MAGI2: variants seen among roughly 807,000 people sequenced by gnomAD.
The protein encoded by MAGI2 is membrane-associated guanylate kinase, WW and PDZ domain-containing protein 2.
Under a neutral mutation model 133.3 loss-of-function variants are expected in MAGI2, and 35 were observed. The ratio of observed to expected loss-of-function variants is 0.26; its 90% CI spans 0.20 to 0.35. The LOEUF is 0.35. Ranked by LOEUF, MAGI2 falls within the 10% of genes least tolerant of loss-of-function variation. The probability of loss-of-function intolerance (pLI) is 1.00; values close to 1 mark genes in which losing one functional copy is unlikely to be tolerated. For synonymous variants in MAGI2, 729 were observed against 710.6 expected, an observed-to-expected ratio of 1.03 and a Z score of -0.41; for missense variants, 1,636 against 1,863.4, an observed-to-expected ratio of 0.88 and a Z score of 2.25.
chr7:79,361,819 C>T (rs1293682902), intron 1 of MAGI2, among the ~76,000 whole-genome samples: 1 of 151,916 alleles, frequency 6.6e-6, no homozygotes, highest in Non-Finnish European at 1.5e-5. Flanking sequence ...TGGAAATAAA[C>T]AATACACCTC....
At chr7:78,904,908 C>T (rs1413946484) in intron 2 of MAGI2, among the ~76,000 whole-genome samples, 1 of 151,880 alleles carries the variant, frequency 6.6e-6, no homozygotes, top group African/African-American at 2.4e-5. Flanking sequence ...CACAAAGCCT[C>T]TTTGCTTTTT....
intron 2 of MAGI2, among the ~76,000 whole-genome samples, chr7:78,632,288 T>C (rs574444161): frequency 5.9e-5 from 9 of 152,366 alleles, no homozygotes; most frequent in Admixed American, 5.2e-4. Context: ...ATCTTATTAA[T>C]TGACCATAAA....
intron 1 of MAGI2, among the ~76,000 whole-genome samples, chr7:79,098,226 C>G (rs2215545): frequency 2.0e-5 from 3 of 152,014 alleles, no homozygotes; most frequent in Admixed American, 6.5e-5. Context: ...TTGGACCACA[C>G]GTTGGGAGGA....
intron 2 of MAGI2, among the ~76,000 whole-genome samples, chr7:78,752,019 C>T (rs779072423): frequency 2.6e-5 from 4 of 152,188 alleles, no homozygotes; most frequent in Admixed American, 2.6e-4. Context: ...AGAACATATA[C>T]CACAGGGAAA....
At chr7:79,352,616 A>G (rs971130016) in intron 1 of MAGI2, among the ~76,000 whole-genome samples, 4 of 152,212 alleles carry the variant, frequency 2.6e-5, no homozygotes, top group Non-Finnish European at 4.4e-5. Flanking sequence ...TGCTATTATT[A>G]CTGGAGGACT....
intron 2 of MAGI2, among the ~76,000 whole-genome samples, chr7:78,715,073 C>T (rs7793494): frequency 0.7 from 106,510 of 151,982 alleles, 38,016 homozygotes; most frequent in Middle Eastern, 0.81. Flanking sequence ...TTAGCATTGG[C>T]ACTAAGGCTG....
intron 2 of MAGI2, among the ~76,000 whole-genome samples, chr7:78,685,824 T>C (rs1052349454): frequency 6.6e-6 from 1 of 152,106 alleles, no homozygotes; most frequent in African/African-American, 2.4e-5. Flanking sequence ...GCAAATGTCA[T>C]GATCATCATT....
intron 3 of MAGI2, among the ~76,000 whole-genome samples, chr7:78,574,700 C>A (rs1802082554): frequency 6.6e-6 from 1 of 152,132 alleles, no homozygotes; most frequent in Admixed American, 6.5e-5. Flanking sequence ...AATTTGAATT[C>A]TTCTAAAATA....
intron 1 of MAGI2, among the ~76,000 whole-genome samples, chr7:79,224,930 G>A (rs1585248716): frequency 1.3e-5 from 2 of 152,140 alleles, no homozygotes; most frequent in South Asian, 2.1e-4. Context: ...TCAAAGAACT[G>A]AACACCACAA....
intron 1 of MAGI2, among the ~76,000 whole-genome samples, chr7:79,384,350 C>T (rs1025576619): frequency 4.1e-5 from 6 of 147,702 alleles, no homozygotes; most frequent in Admixed American, 3.4e-4. Context: ...AACTGGAATG[C>T]TTCTTGAAAG....
chr7:78,930,974 G>T (rs1422480614), intron 2 of MAGI2, among the ~76,000 whole-genome samples: 1 of 152,068 alleles, frequency 6.6e-6, no homozygotes, highest in Non-Finnish European at 1.5e-5. Context: ...TTTCTATTTT[G>T]CTATTTAGGA....
chr7:78,160,098 G>T lies in MAGI2; in HGVS notation c.2772C>A (p.His924Gln). ...AGCCGAAGCCCTCATTCTCTTTGCG[G>T]TGAATGACCACATCACTGGTCTGCA... ...HSLQTSDVVI[H>Q]RKENEGFGFV... is the part of the protein sequence containing the mutation. Residue 924 changes from histidine to glutamine, a missense_variant, in exon 16 of 22, where the codon CAC becomes CAA. This residue lies in a region of MAGI2 where 920 missense variants were observed against 1,093.5 expected (regional missense o/e 0.84). Transcript: ENST00000354212. 1 of 1,610,594 alleles carries T rather than the reference G, an allele frequency of 6.2e-7. No individual in the cohort carries two copies. Among genetic ancestry groups the T allele is most frequent in the Non-Finnish European group, 8.5e-7 (1 of 1,178,182 alleles).
intron 2 of MAGI2, among the ~76,000 whole-genome samples, chr7:78,668,786 T>G (rs113775253): frequency 0.015 from 2,288 of 151,370 alleles, 62 homozygotes; most frequent in African/African-American, 0.052. Context: ...ACCGCTCAAC[T>G]ACATGGAAAC....
intron 13 of MAGI2, among the ~76,000 whole-genome samples, chr7:78,182,429 C>A (rs894498302): frequency 6.6e-6 from 1 of 152,160 alleles, no homozygotes; most frequent in East Asian, 1.9e-4. Flanking sequence ...TGACCAAGCA[C>A]GTGTTAGCCA....
intron 1 of MAGI2, among the ~76,000 whole-genome samples, chr7:79,167,630 C>T (rs1825077651): frequency 6.6e-6 from 1 of 152,080 alleles, no homozygotes; most frequent in Admixed American, 6.6e-5. Context: ...GAAACAACCT[C>T]CTCCTGCTAA....
intron 2 of MAGI2, among the ~76,000 whole-genome samples, chr7:78,766,179 T>C (rs1238008377): frequency 1.3e-5 from 2 of 152,178 alleles, no homozygotes; most frequent in Non-Finnish European, 2.9e-5. Flanking sequence ...GGGGTTGTGC[T>C]TTTGTGGAAA....
intron 10 of MAGI2, among the ~76,000 whole-genome samples, chr7:78,243,991 A>G (rs550192262): frequency 2.2e-4 from 34 of 151,742 alleles, no homozygotes; most frequent in African/African-American, 8.0e-4. Flanking sequence ...CCATTAAAAT[A>G]GAAAAACTAC....
chr7:78,940,960 A>T (rs550605735), intron 2 of MAGI2: 18 of 152,338 alleles, frequency 1.2e-4, no homozygotes, highest in Admixed American at 1.0e-3. Flanking sequence ...CTTTAGAAAG[A>T]TGAAAGGCTT....
At chr7:79,250,667 G>A (rs1364080257) in intron 1 of MAGI2, among the ~76,000 whole-genome samples, 1 of 152,032 alleles carries the variant, frequency 6.6e-6, no homozygotes, top group East Asian at 1.9e-4. Flanking sequence ...TTGTTAAAAT[G>A]TTCAAGACAA....
Sources: allele counts gnomAD v4.1 joint callset (sites outside exome capture counted in the v4.1 genomes callset), GRCh38; gene constraint gnomAD v4.1.1; regional missense constraint gnomAD v4.1.1; transcripts MANE v1.5; gene names NCBI Gene and HGNC (gene_info 2026-07-23, HGNC 2026-07-21).